PLAAT4: variants seen among roughly 807,000 people sequenced by gnomAD.
PLAAT4 encodes phospholipase A and acyltransferase 4.
Under a neutral mutation model 14.1 loss-of-function variants are expected in PLAAT4, and 12 were observed. The observed-to-expected ratio is 0.85, with a 90% confidence interval of 0.54 to 1.37. The LOEUF (loss-of-function observed/expected upper bound fraction) is 1.37, where lower values mean the gene tolerates loss of function less well. Among genes scored for constraint, PLAAT4 ranks in the 40% most tolerant of loss-of-function variants. The pLI is 0.00. For missense variants in PLAAT4, 163 were observed against 211.7 expected (o/e 0.77, Z 1.43); for synonymous variants, 77 against 79.8 (o/e 0.96, Z 0.19).
chr11:63,544,923 G>A (rs2017351950), intron 3 of PLAAT4, 34 bp downstream of exon 3: 2 of 1,613,890 alleles, frequency 1.2e-6, no homozygotes, highest in Admixed American at 1.7e-5. Context: ...ATCTCCCTCT[G>A]CTTGGGGCTG....
intron 1 of PLAAT4, among the ~76,000 whole-genome samples, chr11:63,537,232 C>G (rs1354578301): frequency 1.3e-5 from 2 of 152,084 alleles, no homozygotes; most frequent in African/African-American, 4.8e-5. Flanking sequence ...ATCCCAACAT[C>G]GTCTGCTTCT....
At chr11:63,537,457 G>A (rs956491465) in intron 1 of PLAAT4, among the ~76,000 whole-genome samples, 1 of 152,168 alleles carries the variant, frequency 6.6e-6, no homozygotes, top group African/African-American at 2.4e-5. Flanking sequence ...AAGGAACAGC[G>A]GGGCTCAGGC....
chr11:63,546,311 G>T lies in PLAAT4; in HGVS notation c.*55G>T, dbSNP rs760545594. The stretch of plus-strand genomic sequence containing the variant: ...GCTGTGGGGGTCCCAGTGGAGATGA[G>T]CCTCCCCCATGCCTCCAGCAGCCTG... On this transcript the variant is annotated 3_prime_UTR_variant, in exon 4 of 4. Coordinates refer to ENST00000255688, the MANE Select transcript of PLAAT4 (RefSeq NM_004585.5). 4.3e-5 allele frequency: 66 copies of T among 1,525,530 alleles called. No homozygotes were observed. Among genetic ancestry groups the T allele is most frequent in the Non-Finnish European group, 5.1e-5 (56 of 1,099,854 alleles). 94.5% of individuals were successfully genotyped at this position (1,525,530 alleles called of 1,614,324 possible). A position where few individuals can be genotyped will look rare whatever the true frequency, so the allele number is the denominator to read the frequency against.
chr11:63,544,798 T>A lies in PLAAT4; in HGVS notation c.296T>A (p.Met99Lys). 6.2e-7 allele frequency: 1 copy of A among 1,614,134 alleles called. No homozygotes were observed. The highest frequency in any genetic ancestry group is 8.5e-7 in the Non-Finnish European group (1 of 1,180,040). ...GTGATCATCAGTTCTGCGAAGGAGATGGTTGGTCAGAAGATGAAGTACAGT... is the reference window on the plus strand; with the variant it reads ...GTGATCATCAGTTCTGCGAAGGAGAAGGTTGGTCAGAAGATGAAGTACAGT... ...VEVIISSAKE[M>K]VGQKMKYSIV... Residue 99 changes from methionine (M) to lysine (K), a missense_variant, in exon 3 of 4, where the codon ATG becomes AAG. Met to Lys is a moderately conservative substitution (Grantham distance 95). Transcript: ENST00000255688.
At chr11:63,537,289 TCTCTC>T (rs2017278457) in intron 1 of PLAAT4, among the ~76,000 whole-genome samples, 1 of 152,172 alleles carries the variant, frequency 6.6e-6, no homozygotes, top group Non-Finnish European at 1.5e-5. Flanking sequence ...CGATGCTTTC[TCTCTC>T]CTCGTTCCTC....
chr11:63,541,615 T>A (rs759109625), intron 2 of PLAAT4, among the ~76,000 whole-genome samples: 4 of 141,086 alleles, frequency 2.8e-5, no homozygotes, highest in Non-Finnish European at 6.2e-5. Context: ...CACTGCAGTC[T>A]TTTTTTTTTT....
At chr11:63,537,966 G>A (rs1007495292) in intron 1 of PLAAT4, among the ~76,000 whole-genome samples, 4 of 152,180 alleles carry the variant, frequency 2.6e-5, no homozygotes, top group Admixed American at 6.5e-5. Flanking sequence ...AGAGGCCCCC[G>A]GGGACCCAGG....
chr11:63,539,280 TGC>T (rs1243178521), intron 1 of PLAAT4, among the ~76,000 whole-genome samples: 1 of 152,148 alleles, frequency 6.6e-6, no homozygotes, highest in East Asian at 1.9e-4. Context: ...ATGTCACACA[TGC>T]GCCCAGACGG....
chr11:63,545,964 G>T (rs909380702), intron 3 of PLAAT4, among the ~76,000 whole-genome samples, 185 bp from the exon 4 acceptor site: 4 of 152,054 alleles, frequency 2.6e-5, no homozygotes, highest in Non-Finnish European at 5.9e-5. Context: ...AGTCCCTGGG[G>T]ATACAACCAA....
At chr11:63,544,358 T>C (rs1192480050) in intron 2 of PLAAT4, among the ~76,000 whole-genome samples, 2 of 152,060 alleles carry the variant, frequency 1.3e-5, no homozygotes, top group African/African-American at 4.8e-5. Flanking sequence ...TGGGTGCCTG[T>C]AGTCCCAGCT....
rs191616537 is a variant in PLAAT4 at position 63,542,141 on chromosome 11, T to C, written c.119-2480T>C. ...AAAATGCTTATTTAAAAGTATCGCCTTATAAAACTGAGTATATAAAATACA... is the reference window on the plus strand; with the variant it reads ...AAAATGCTTATTTAAAAGTATCGCCCTATAAAACTGAGTATATAAAATACA... On this transcript the variant is annotated intron_variant, in intron 2 of 3. Coordinates refer to ENST00000255688, the MANE Select transcript of PLAAT4 (RefSeq NM_004585.5). 1.9e-4 allele frequency among the ~76,000 whole-genome samples: 29 copies of C among 152,328 alleles called. 1 individual carries two copies. Among genetic ancestry groups the C allele is most frequent in the Admixed American group, 1.8e-3 (28 of 15,296 alleles).
chr11:63,536,908 T>A, intron 1 of PLAAT4, 31 bp downstream of exon 1: 2 of 1,606,138 alleles, frequency 1.2e-6, no homozygotes. Flanking sequence ...CATTACTGAC[T>A]CTACAGCAGT....
intron 1 of PLAAT4, 55 bp from the exon 2 acceptor site, chr11:63,539,461 G>T (rs1036767015): frequency 1.4e-6 from 2 of 1,437,476 alleles, no homozygotes; most frequent in East Asian, 2.3e-5. Flanking sequence ...CCCAGCCAGG[G>T]TCTCTGCTGT....
At chr11:63,539,008 G>C (rs1020708636) in intron 1 of PLAAT4, among the ~76,000 whole-genome samples, 1 of 152,152 alleles carries the variant, frequency 6.6e-6, no homozygotes, top group Non-Finnish European at 1.5e-5. Flanking sequence ...CAAGAGATAG[G>C]TGTCCTGAGG....
chr11:63,542,575 T>C (rs2017330129), intron 2 of PLAAT4, among the ~76,000 whole-genome samples: 1 of 152,254 alleles, frequency 6.6e-6, no homozygotes, highest in South Asian at 2.1e-4. Flanking sequence ...AATTTCCTGC[T>C]TCTCAAATAT....
At chr11:63,543,909 A>G (rs534723945) in intron 2 of PLAAT4, among the ~76,000 whole-genome samples, 45 of 152,340 alleles carry the variant, frequency 3.0e-4, no homozygotes, top group African/African-American at 9.4e-4. Context: ...TAAGAGAAGC[A>G]GTTTCACATC....
At chr11:63,546,004 G>A in intron 3 of PLAAT4, 145 bp from the exon 4 acceptor site, 1 of 725,206 alleles carries the variant, frequency 1.4e-6, no homozygotes, top group Non-Finnish European at 2.4e-6. Context: ...TTCTGAGCCA[G>A]CCAGCTGGGA....
At chr11:63,543,042 C>T (rs1193220289) in intron 2 of PLAAT4, among the ~76,000 whole-genome samples, 12 of 152,168 alleles carry the variant, frequency 7.9e-5, no homozygotes, top group African/African-American at 2.9e-4. Flanking sequence ...TTCTTAACCA[C>T]GGTAGAAGTT....
Position 63,544,286 on chromosome 11 carries a change from C to T in PLAAT4, c.119-335C>T, listed in dbSNP as rs1219926746. Among the ~76,000 whole-genome samples the T allele has an allele frequency of 3.3e-5, 5 of 152,148 alleles. No individual in the cohort carries two copies. In the South Asian group the frequency reaches 6.2e-4, roughly 19 times the overall value. On this transcript the variant is annotated intron_variant, in intron 2 of 3. Transcript: ENST00000255688. Reference sequence around the variant, plus strand: ...CAATCATGACATTCACTGACTTGAACGAACATTCACACCTTATTTTATTAA... The same window carrying T: ...CAATCATGACATTCACTGACTTGAATGAACATTCACACCTTATTTTATTAA...
Sources: gnomAD v4.1 joint callset for allele counts (sites outside exome capture counted in the v4.1 genomes callset) on GRCh38, gnomAD v4.1.1 for gene constraint, MANE v1.5 for transcripts, NCBI Gene and HGNC (gene_info 2026-07-23, HGNC 2026-07-21) for gene names.